The following BSN variants were observed in gnomAD, a reference collection of about 807,000 sequenced individuals.
BSN encodes the protein protein bassoon.
BSN carries 57 observed loss-of-function variants against 264.8 expected under a neutral mutation model. The ratio of observed to expected loss-of-function variants is 0.22; its 90% CI spans 0.17 to 0.27. BSN has a LOEUF of 0.27. Among genes scored for constraint, BSN ranks in the 10% least tolerant of loss-of-function variants. BSN has a pLI of 1.00. For missense variants in BSN, 4,615 were observed against 5,232.5 expected (o/e 0.88, Z 3.64); for synonymous variants, 2,059 against 2,137.3 (o/e 0.96, Z 1.01).
intron 1 of BSN, among the ~76,000 whole-genome samples, chr3:49,624,535 G>C (rs1041146827): frequency 6.6e-6 from 1 of 151,180 alleles, no homozygotes; most frequent in Admixed American, 6.6e-5. Flanking sequence ...CTGACCTCAA[G>C]TGATCTACCT....
downstream of BSN, among the ~76,000 whole-genome samples, chr3:49,672,036 T>TG (rs1157680926): frequency 1.8e-4 from 27 of 150,202 alleles, 1 homozygote; most frequent in Non-Finnish European, 3.0e-5. Context: ...TTTTTTTTTT[T>TG]TTTTTTTTTT....
In BSN at chr3:49,660,529, G is replaced by A. The variant is rs752871919; in HGVS notation, c.8684G>A (p.Arg2895Gln). 28 of 1,556,094 alleles carry A rather than the reference G, an allele frequency of 1.8e-5. No homozygotes were observed. Among genetic ancestry groups the A allele is most frequent in the Non-Finnish European group, 2.3e-5 (26 of 1,150,500 alleles). ...AACAGCCTGGTCCGCAAGGTGAAGC[G>A]GACACTGCCCAGCCCCCCTCCAGAG... Reference protein sequence around the residue: ...PPNSLVRKVKRTLPSPPPEEA... With the variant: ...PPNSLVRKVKQTLPSPPPEEA... Residue 2895 changes from arginine to glutamine, a missense_variant, in exon 6 of 12, where the codon CGG becomes CAG. Physicochemically the swap from Arg to Gln is conservative, Grantham distance 43 (BLOSUM62 1). This residue lies in a region of BSN where 3,415 missense variants were observed against 3,866.4 expected (regional missense o/e 0.88). Coordinates refer to ENST00000296452, the MANE Select transcript of BSN (RefSeq NM_003458.4). This position sits in a 1 kb window ranked among gnomAD's most constrained non-coding sequence, Gnocchi z 7.1.
chr3:49,606,179 G>A (rs866692240), intron 1 of BSN, among the ~76,000 whole-genome samples: 2 of 16,064 alleles, frequency 1.2e-4, no homozygotes, highest in African/African-American at 2.5e-4. Flanking sequence ...TATTATATAT[G>A]TATATATATT....
At chr3:49,597,396 C>T (rs1165852950) in intron 1 of BSN, among the ~76,000 whole-genome samples, 3 of 152,172 alleles carry the variant, frequency 2.0e-5, no homozygotes, top group Non-Finnish European at 2.9e-5. Context: ...CATCTTACTA[C>T]AGCCTCGACT....
intron 1 of BSN, among the ~76,000 whole-genome samples, chr3:49,560,465 C>A (rs1226984383): frequency 6.6e-6 from 1 of 152,230 alleles, no homozygotes; most frequent in Non-Finnish European, 1.5e-5. Context: ...CCCTGCCTGT[C>A]CTGACTTTAC....
At chr3:49,579,012 T>C (rs916038020) in intron 1 of BSN, among the ~76,000 whole-genome samples, 6 of 152,148 alleles carry the variant, frequency 3.9e-5, no homozygotes, top group African/African-American at 1.4e-4. Flanking sequence ...AATCTTACTC[T>C]GTCACCCAGA....
At position 49,654,292 on chromosome 3, in the gene BSN, C is replaced by G; in HGVS notation, c.4736C>G (p.Ser1579Cys). 1.2e-6 allele frequency: 2 copies of G among 1,613,684 alleles called. No homozygotes were observed. Among genetic ancestry groups the G allele is most frequent in the Middle Eastern group, 1.7e-4 (1 of 6,060 alleles). ...ATGGTACATGCCAGTGCCTCCACCT[C>G]CCCGCTCTGCTCACCTACTGAAACC... ...TRMVHASAST[S>C]PLCSPTETQP... The change falls in exon 5 of 12, where the codon TCC (serine) becomes TGC (cysteine). Residue 1579 changes from serine (S) to cysteine (C), a missense_variant. Transcript: ENST00000296452. This position sits in a 1 kb window ranked among gnomAD's most constrained non-coding sequence, Gnocchi z 4.1.
chr3:49,585,700 C>A lies in BSN; in HGVS notation c.224+30874C>A, dbSNP rs1416560925. Among the ~76,000 whole-genome samples, 2 of 152,258 alleles carry A rather than the reference C, an allele frequency of 1.3e-5. No homozygotes were observed. The highest frequency in any genetic ancestry group is 3.8e-4 in the East Asian group (2 of 5,206). ...CAAACTGTTCTTCATAGTGGTTGTA[C>A]TAATTTACATTCCCACTAACAGTGT... On this transcript the variant is annotated intron_variant, in intron 1 of 11. Transcript: ENST00000296452. This position sits in a 1 kb window ranked among gnomAD's most constrained non-coding sequence, Gnocchi z 4.7.
intron 1 of BSN, among the ~76,000 whole-genome samples, chr3:49,607,983 T>C (rs912681774): frequency 6.6e-6 from 1 of 152,154 alleles, no homozygotes; most frequent in Non-Finnish European, 1.5e-5. Context: ...AGAATCAATC[T>C]CTGAGGTGGG....
intron 1 of BSN, among the ~76,000 whole-genome samples, chr3:49,591,794 G>A (rs2051979705): frequency 6.6e-6 from 1 of 151,964 alleles, no homozygotes; most frequent in Non-Finnish European, 1.5e-5. Context: ...TTGGCATGTT[G>A]CCCAGGCTGG....
chr3:49,672,533 T>C (rs1420368881), downstream of BSN, among the ~76,000 whole-genome samples: 1 of 150,458 alleles, frequency 6.6e-6, no homozygotes, highest in African/African-American at 2.5e-5. Flanking sequence ...CAGGCTGGAG[T>C]GCAGTGGCAT....
In BSN at chr3:49,654,610, A is replaced by C. The variant is rs372618621; in HGVS notation, c.5054A>C (p.Asp1685Ala). 2 of 1,613,762 alleles carry C rather than the reference A, an allele frequency of 1.2e-6. No homozygotes were observed. Among genetic ancestry groups the C allele is most frequent in the Non-Finnish European group, 1.7e-6 (2 of 1,179,936 alleles). The change falls in exon 5 of 12, where the codon GAC becomes GCC. Residue 1685 changes from aspartate to alanine, a missense_variant. Physicochemically the swap from Asp to Ala is moderately radical, Grantham distance 126 (BLOSUM62 -2). This residue lies in a region of BSN where 3,415 missense variants were observed against 3,866.4 expected (regional missense o/e 0.88). Transcript: ENST00000296452. This position sits in a 1 kb window ranked among gnomAD's most constrained non-coding sequence, Gnocchi z 4.1. ...ATCATCCTCACTGACCAGGGCATGG[A>C]CCTCACCTCTCTTGCTGTGGAAGCG... The part of the protein sequence containing the change: ...TPIILTDQGM[D>A]LTSLAVEARK...
downstream of BSN, among the ~76,000 whole-genome samples, chr3:49,672,618 T>C (rs1393216625): frequency 5.0e-5 from 7 of 141,116 alleles, no homozygotes; most frequent in South Asian, 4.7e-4. Context: ...GTAGCTGGGA[T>C]TACAGGCGCG....
intron 1 of BSN, among the ~76,000 whole-genome samples, chr3:49,624,434 G>A (rs969263000): frequency 6.6e-6 from 1 of 151,444 alleles, no homozygotes; most frequent in African/African-American, 2.4e-5. Context: ...ATGTAGCTGG[G>A]TTTACAGGTG....
In BSN at chr3:49,582,544, G is replaced by C. The variant is rs189329261; in HGVS notation, c.224+27718G>C. Among the ~76,000 whole-genome samples the C allele has an allele frequency of 1.4e-3, 211 of 152,304 alleles. 3 individuals are homozygous for C. Among genetic ancestry groups the C allele is most frequent in the Non-Finnish European group, 2.2e-4 (15 of 68,020 alleles). On this transcript the variant is annotated intron_variant, in intron 1 of 11. Transcript: ENST00000296452. The stretch of plus-strand genomic sequence containing the variant: ...ATTAGTTCTAACTTTTTTGTGGCCT[G>C]TTTAGGGTTATCTACATGTAAGATC...
Position 49,643,218 on chromosome 3 carries a change from CA to C in BSN, c.1518+67del, listed in dbSNP as rs1384516434. 6 of 1,524,168 alleles carry C rather than the reference CA, an allele frequency of 3.9e-6. No homozygotes were observed. The African/African-American group carries it at 6.9e-5, about 18-fold the overall frequency. 94.4% of individuals were successfully genotyped at this position (1,524,168 alleles called of 1,614,324 possible). ...GAGGCCGGGCCTGGGTAGTGAGTGT[CA>C]TGGGAACCAGAAAGAGTTCTGGGTC... On this transcript the variant is annotated intron_variant, in intron 3 of 11. Transcript: ENST00000296452.
At chr3:49,564,344 T>A (rs1344163494) in intron 1 of BSN, among the ~76,000 whole-genome samples, 1 of 152,226 alleles carries the variant, frequency 6.6e-6, no homozygotes, top group Non-Finnish European at 1.5e-5. Context: ...CCTTCCATCC[T>A]GGACTTACAC....
Position 49,656,828 on chromosome 3 carries a change from C to T in BSN, c.7272C>T (p.His2424=), listed in dbSNP as rs1438298796. The T allele has an allele frequency of 6.3e-7, 1 of 1,599,546 alleles. No individual in the cohort carries two copies. The highest frequency in any genetic ancestry group is 8.5e-7 in the Non-Finnish European group (1 of 1,173,826). The part of the protein sequence containing the change: ...RELQELQTIK[H]HVLQQQQEER... ...TGCAGGAGCTGCAGACCATCAAGCA[C>T]CATGTGCTGCAGCAGCAGCAAGAGG... The change falls in exon 5 of 12, where the codon CAC becomes CAT. Residue 2424 remains histidine, a synonymous_variant. Transcript: ENST00000296452.
chr3:49,673,087 CTT>C (rs71080543), downstream of BSN, among the ~76,000 whole-genome samples: 622 of 43,196 alleles, frequency 0.014, 28 homozygotes, highest in Non-Finnish European at 0.021. Context: ...CCGGCCGGGA[CTT>C]TTTTTTTTTT....
Sources: gnomAD v4.1 joint callset for allele counts (sites outside exome capture counted in the v4.1 genomes callset) on GRCh38, gnomAD v4.1.1 for gene constraint, gnomAD v4.1.1 regional missense constraint, Gnocchi (gnomAD v3.1) non-coding constraint, MANE v1.5 for transcripts, NCBI Gene and HGNC (gene_info 2026-07-23, HGNC 2026-07-21) for gene names.